The following ZMYM2 variants were observed in gnomAD, a reference collection of about 807,000 sequenced individuals.
ZMYM2 encodes zinc finger MYM-type containing 2.
Under a neutral mutation model 162.8 loss-of-function variants are expected in ZMYM2, and 56 were observed. The observed-to-expected ratio is 0.34, with a 90% CI of 0.28 to 0.43. The LOEUF (loss-of-function observed/expected upper bound fraction) is 0.43, where lower values mean the gene tolerates loss of function less well. Among genes scored for constraint, ZMYM2 ranks in the 20% least tolerant of loss-of-function variants. The pLI is 1.00. For synonymous variants in ZMYM2, 510 were observed against 541.6 expected (o/e 0.94, Z 0.81); for missense variants, 1,275 against 1,621.8 (o/e 0.79, Z 3.67).
chr13:19,928,818 C>T, the ZMYM2 span, among the ~76,000 whole-genome samples: 15 of 151,886 alleles, frequency 9.9e-5, no homozygotes, highest in African/African-American at 2.7e-4. Flanking sequence ...AAACAAAAAC[C>T]CGTCTTAGTA....
chr13:19,943,324 A>G, the ZMYM2 span, among the ~76,000 whole-genome samples: 1 of 152,186 alleles, frequency 6.6e-6, no homozygotes, highest in African/African-American at 2.4e-5. Context: ...TAAAGACTCC[A>G]TTTCCAAATA....
At position 19,985,541 on chromosome 13, in the gene ZMYM2, T is replaced by A. The variant is rs540260523; in HGVS notation, c.-10-7522T>A. 8.8e-3 allele frequency among the ~76,000 whole-genome samples: 1,329 copies of A among 151,562 alleles called. 32 individuals carry two copies. Among genetic ancestry groups the A allele is most frequent in the African/African-American group, 0.03 (1,252 of 41,392 alleles). On this transcript the variant is annotated intron_variant, in intron 2 of 24. Transcript: ENST00000610343. ...TTTTATTGAATGGTTGTGTTTTTTT[T>A]AAAAACAATAAGAGCTGTGGCCAGG...
chr13:20,038,176 T>C (rs1250303568), intron 12 of ZMYM2, among the ~76,000 whole-genome samples: 2 of 152,224 alleles, frequency 1.3e-5, no homozygotes, highest in African/African-American at 4.8e-5. Context: ...CACATTTTCT[T>C]TATCCACTCT....
chr13:19,875,826 G>A, the ZMYM2 span, among the ~76,000 whole-genome samples: 3 of 151,710 alleles, frequency 2.0e-5, no homozygotes, highest in African/African-American at 7.3e-5. Flanking sequence ...TCTAAAAAGC[G>A]GGGAGGAAAA....
chr13:19,919,758 A>G, the ZMYM2 span, among the ~76,000 whole-genome samples: 1 of 150,420 alleles, frequency 6.6e-6, no homozygotes, highest in East Asian at 1.9e-4. Flanking sequence ...GCTCACTGCA[A>G]CCTTCACCTC....
At chr13:19,885,911 A>ATACACATATATGTGTG in the ZMYM2 span, among the ~76,000 whole-genome samples, 239 of 25,610 alleles carry the variant, frequency 9.3e-3, 69 homozygotes, top group Non-Finnish European at 0.015. Flanking sequence ...ATATATATGT[A>ATACACATATATGTGTG]TATACACATA....
chr13:19,946,706 A>T, the ZMYM2 span, among the ~76,000 whole-genome samples: 6 of 152,158 alleles, frequency 3.9e-5, no homozygotes, highest in African/African-American at 1.4e-4. Flanking sequence ...CCTAACTTAG[A>T]CTCCCAGTTA....
In ZMYM2 at chr13:20,026,681, A is replaced by G. The variant is rs771209269; in HGVS notation, c.1654A>G (p.Ile552Val). 1 of 1,611,072 alleles carries G rather than the reference A, an allele frequency of 6.2e-7. No homozygotes were observed. The highest frequency in any genetic ancestry group is 1.1e-5 in the South Asian group (1 of 90,174). Residue 552 changes from isoleucine (I) to valine (V), a missense_variant, in exon 8 of 25, where the codon ATA (isoleucine) becomes GTA (valine). This residue lies in a region of ZMYM2 where 276 missense variants were observed against 311.8 expected (regional missense o/e 0.89). Coordinates refer to ENST00000610343, the MANE Select transcript of ZMYM2 (RefSeq NM_197968.4). ...CAGGTTTTTTGATATGACTCAGTGT[A>G]TAGGTCCTAATGGATATATGGAGCC... ...QCRFFDMTQC[I>V]GPNGYMEPYC...
intron 6 of ZMYM2, among the ~76,000 whole-genome samples, chr13:20,013,996 G>T (rs1951406394): frequency 1.3e-5 from 2 of 152,104 alleles, no homozygotes; most frequent in South Asian, 4.1e-4. Context: ...GTGGGAATTG[G>T]TGTTAATTCT....
Position 19,986,599 on chromosome 13 carries a change from A to G in ZMYM2, c.-10-6464A>G, listed in dbSNP as rs182252555. Reference sequence around the variant, plus strand: ...TGAAAAAAAAATTTTTAACATTTCTATTACAGAAAGTTTTAAAAATTGAAA... The same window carrying G: ...TGAAAAAAAAATTTTTAACATTTCTGTTACAGAAAGTTTTAAAAATTGAAA... On this transcript the variant is annotated intron_variant, in intron 2 of 24. Coordinates refer to ENST00000610343, the MANE Select transcript of ZMYM2 (RefSeq NM_197968.4). 2.3e-3 allele frequency among the ~76,000 whole-genome samples: 350 copies of G among 152,296 alleles called. 1 individual carries two copies. Among genetic ancestry groups the G allele is most frequent in the Middle Eastern group, 0.01 (3 of 294 alleles).
At chr13:19,936,477 T>C in the ZMYM2 span, among the ~76,000 whole-genome samples, 1 of 152,006 alleles carries the variant, frequency 6.6e-6, no homozygotes, top group African/African-American at 2.4e-5. Context: ...ATCCCAGCAC[T>C]ATAGGAGACT....
intron 22 of ZMYM2, among the ~76,000 whole-genome samples, chr13:20,082,469 A>G (rs1396057708): frequency 1.3e-5 from 2 of 152,152 alleles, no homozygotes; most frequent in African/African-American, 2.4e-5. Context: ...TGGAGTCATC[A>G]ATTTTTTTCA....
At chr13:20,014,271 A>G (rs1425647290) in intron 6 of ZMYM2, among the ~76,000 whole-genome samples, 9 of 152,150 alleles carry the variant, frequency 5.9e-5, no homozygotes, top group East Asian at 1.9e-4. Context: ...ATGGGGTTTC[A>G]CCATGTTGGC....
At chr13:19,866,613 G>A in the ZMYM2 span, among the ~76,000 whole-genome samples, 1 of 152,114 alleles carries the variant, frequency 6.6e-6, no homozygotes, top group Non-Finnish European at 1.5e-5. Context: ...GCGGTGAGCC[G>A]AGATTGCACC....
At chr13:20,004,702 T>C (rs1950618540) in intron 4 of ZMYM2, among the ~76,000 whole-genome samples, 2 of 152,342 alleles carry the variant, frequency 1.3e-5, no homozygotes, top group South Asian at 2.1e-4. Flanking sequence ...CAGATACCTC[T>C]TACTTTCTAC....
At chr13:19,966,478 G>C (rs1304642354) in intron 2 of ZMYM2, among the ~76,000 whole-genome samples, 2 of 147,444 alleles carry the variant, frequency 1.4e-5, no homozygotes, top group African/African-American at 2.5e-5. Context: ...TTTGGATACA[G>C]AGTTTTGCTC....
At chr13:20,050,598 A>T (rs1458526835) in intron 12 of ZMYM2, among the ~76,000 whole-genome samples, 1 of 152,064 alleles carries the variant, frequency 6.6e-6, no homozygotes, top group African/African-American at 2.4e-5. Context: ...ATTTGAAGAT[A>T]CATCACTTAT....
chr13:20,068,750 T>G (rs1423790194), intron 21 of ZMYM2, among the ~76,000 whole-genome samples: 1 of 152,184 alleles, frequency 6.6e-6, no homozygotes, highest in South Asian at 2.1e-4. Context: ...ATTTTAGAAA[T>G]AATTCTGTTA....
chr13:19,880,898 G>GTTTT, the ZMYM2 span, among the ~76,000 whole-genome samples: 4 of 117,364 alleles, frequency 3.4e-5, no homozygotes, highest in Admixed American at 9.0e-5. Flanking sequence ...TTTGTTTTTT[G>GTTTT]TTTTTTTTTT....
Sources: gnomAD v4.1 joint callset for allele counts (sites outside exome capture counted in the v4.1 genomes callset) on GRCh38, gnomAD v4.1.1 for gene constraint, gnomAD v4.1.1 regional missense constraint, MANE v1.5 for transcripts, NCBI Gene and HGNC (gene_info 2026-07-23, HGNC 2026-07-21) for gene names.